Variants in RADIL observed in about 807,000 individuals in gnomAD.
RADIL encodes the protein ras-associating and dilute domain-containing protein.
RADIL carries 99 observed loss-of-function variants against 97.6 expected under a neutral mutation model. That is an observed-to-expected ratio of 1.01 (90% confidence interval 0.86 to 1.20). The LOEUF is 1.20. Ranked by LOEUF, RADIL falls within the 50% of genes most tolerant of loss-of-function variation. RADIL has a pLI of 0.00. For missense variants in RADIL, 1,765 were observed against 1,498.9 expected (o/e 1.18, Z -2.93); for synonymous variants, 803 against 691.8 (o/e 1.16, Z -2.52).
rs1458151653 is a variant in RADIL at position 4,798,190 on chromosome 7, C to T, written c.*1188G>A. On this transcript the variant is annotated 3_prime_UTR_variant, in exon 15 of 15. Transcript: ENST00000399583. Reference sequence around the variant, plus strand: ...ATTTTGGGAACCTGGCAGTGGTCGCCGTTTCGAGCCAGGCGCAATGCGGAG... The same window carrying T: ...ATTTTGGGAACCTGGCAGTGGTCGCTGTTTCGAGCCAGGCGCAATGCGGAG... 2.0e-5 allele frequency: 3 copies of T among 151,364 alleles called. No individual in the cohort carries two copies. Among genetic ancestry groups the T allele is most frequent in the Non-Finnish European group, 2.9e-5 (2 of 67,910 alleles). 9.4% of individuals were successfully genotyped at this position (151,364 alleles called of 1,614,324 possible). A position where few individuals can be genotyped will look rare whatever the true frequency, so the allele number is the denominator to read the frequency against.
chr7:4,807,076 C>T (rs989758636), intron 9 of RADIL, among the ~76,000 whole-genome samples: 2 of 152,164 alleles, frequency 1.3e-5, no homozygotes, highest in Admixed American at 6.5e-5. Flanking sequence ...TCTGCTGGCT[C>T]TTTCTGGACT....
chr7:4,859,740 G>C (rs1783926774), intron 2 of RADIL: 2 of 614,030 alleles, frequency 3.3e-6, no homozygotes, highest in East Asian at 5.5e-5. Context: ...ATACCGGAAA[G>C]ATCTATACTG....
At position 4,832,020 on chromosome 7, in the gene RADIL, G is replaced by A. The variant is rs1783156898; in HGVS notation, c.1454+121C>T. 7.7e-6 allele frequency: 8 copies of A among 1,036,248 alleles called. No homozygotes were observed. The East Asian group carries it at 1.8e-4, about 24-fold the overall frequency. 64.2% of individuals were successfully genotyped at this position (1,036,248 alleles called of 1,614,324 possible). ...AAAAAGGCCGCTGCTTGGATGGAAGGACAAAGCCCAGAGCTGACCCCAAGG... is the reference window on the plus strand; with the variant it reads ...AAAAAGGCCGCTGCTTGGATGGAAGAACAAAGCCCAGAGCTGACCCCAAGG... On this transcript the variant is annotated intron_variant, in intron 5 of 14. Coordinates refer to ENST00000399583, the MANE Select transcript of RADIL (RefSeq NM_018059.5).
In RADIL at chr7:4,834,848, G is replaced by A. The variant is rs774460647; in HGVS notation, c.1175C>T (p.Ala392Val). Reference protein sequence around the residue: ...CGAALGARGAASPTQAALPRR... With the variant: ...CGAALGARGAVSPTQAALPRR... ...GGGCAGGGCGGCCTGAGTAGGGGAG[G>A]CGGCTCCCCGGGCCCCGAGCGCGGC... is the stretch of plus-strand genomic sequence containing the variant. Residue 392 changes from alanine (A) to valine (V), a missense_variant, in exon 4 of 15, where the codon GCC becomes GTC. Coordinates refer to ENST00000399583, the MANE Select transcript of RADIL (RefSeq NM_018059.5). The surrounding 1 kb of genome is among the most constrained non-coding windows in gnomAD (Gnocchi z 6.0). 1.5e-6 allele frequency: 2 copies of A among 1,317,948 alleles called. No individual in the cohort carries two copies. The highest frequency in any genetic ancestry group is 6.2e-5 in the East Asian group (2 of 32,104). The allele number at this position is 1,317,948 out of a possible 1,614,324, so 81.6% of individuals were successfully genotyped here.
At position 4,807,542 on chromosome 7, in the gene RADIL, CCTCT is replaced by C. The variant is rs748126019; in HGVS notation, c.2140-1830_2140-1827del. On this transcript the variant is annotated intron_variant, in intron 9 of 14. Transcript: ENST00000399583. Reference sequence around the variant, plus strand: ...CTCCGTCTCCCCTCCCTCCTCTCTCCCTCTGTCTCCCCTCCCTCCTCCCTCTCCT... The same window carrying C: ...CTCCGTCTCCCCTCCCTCCTCTCTCCGTCTCCCCTCCCTCCTCCCTCTCCT... Among the ~76,000 whole-genome samples the C allele has an allele frequency of 2.1e-3, 252 of 117,304 alleles. 2 individuals carry two copies. The highest frequency in any genetic ancestry group is 3.4e-3 in the Non-Finnish European group (187 of 54,688). 77.0% of individuals were successfully genotyped at this position (117,304 alleles called of 152,430 possible).
chr7:4,881,271 C>G (rs527422395), intron 1 of RADIL, among the ~76,000 whole-genome samples: 1 of 142,696 alleles, frequency 7.0e-6, no homozygotes, highest in African/African-American at 2.6e-5. Flanking sequence ...AAAAATTAGC[C>G]AGGCGTGGTG....
rs1480323124 is a variant in RADIL at position 4,832,150 on chromosome 7, T to C, written c.1445A>G (p.Gln482Arg). 6.2e-7 allele frequency: 1 copy of C among 1,610,792 alleles called. No individual in the cohort carries two copies. Among genetic ancestry groups the C allele is most frequent in the Non-Finnish European group, 8.5e-7 (1 of 1,177,982 alleles). ...ACCGGGTCATACTCACAGTTGCGCC[T>C]GCTTCTCTGCTAGTTCTTTGGTTTT... is the stretch of plus-strand genomic sequence containing the variant. ...WEKTKELAEK[Q>R]AQLQEPISLA... is the part of the protein sequence containing the mutation. The change falls in exon 5 of 15, where the codon CAG (glutamine) becomes CGG (arginine). Residue 482 changes from glutamine (Q) to arginine (R), a missense_variant. Gln to Arg is a conservative substitution (Grantham distance 43). Transcript: ENST00000399583.
At chr7:4,843,861 G>C (rs534643619) in intron 2 of RADIL, among the ~76,000 whole-genome samples, 1 of 134,570 alleles carries the variant, frequency 7.4e-6, no homozygotes, top group Non-Finnish European at 1.5e-5. Flanking sequence ...GCAGTGAGCC[G>C]AAATCACGCC....
chr7:4,831,110 G>A lies in RADIL; in HGVS notation c.1454+1031C>T, dbSNP rs759140249. Among the ~76,000 whole-genome samples, 145 of 150,624 alleles carry A rather than the reference G, an allele frequency of 9.6e-4. 1 individual carries two copies. The highest frequency in any genetic ancestry group is 1.8e-3 in the Non-Finnish European group (124 of 67,846). ...GAAGGCTGAGGCAGGAGAATCGCTCGAACCTGAGAGGTGGAGGTTGCCGTG... is the reference window on the plus strand; with the variant it reads ...GAAGGCTGAGGCAGGAGAATCGCTCAAACCTGAGAGGTGGAGGTTGCCGTG... On this transcript the variant is annotated intron_variant, in intron 5 of 14. Transcript: ENST00000399583.
At chr7:4,829,355 G>A (rs967501072) in intron 5 of RADIL, among the ~76,000 whole-genome samples, 19 of 151,590 alleles carry the variant, frequency 1.3e-4, no homozygotes, top group Admixed American at 5.9e-4. Context: ...TCTGGGGAGC[G>A]GGTGTTTGCC....
chr7:4,861,163 T>G, intron 2 of RADIL: 1 of 1,614,270 alleles, frequency 6.2e-7, no homozygotes, highest in South Asian at 1.1e-5. Flanking sequence ...TGTCAATGTT[T>G]GGCACTAGAT....
At position 4,837,300 on chromosome 7, in the gene RADIL, G is replaced by A. The variant is rs1035490889; in HGVS notation, c.536-695C>T. ...CCACGGCAGCCTGGGCCTCTGCAGGGTCACCACGCCGCCTCCAGAGCCCTG... is the reference window on the plus strand; with the variant it reads ...CCACGGCAGCCTGGGCCTCTGCAGGATCACCACGCCGCCTCCAGAGCCCTG... On this transcript the variant is annotated intron_variant, in intron 2 of 14. Transcript: ENST00000399583. The surrounding 1 kb of genome is among the most constrained non-coding windows in gnomAD (Gnocchi z 5.6). Among the ~76,000 whole-genome samples, 17 of 152,174 alleles carry A rather than the reference G, an allele frequency of 1.1e-4. No individual in the cohort carries two copies. The highest frequency in any genetic ancestry group is 4.1e-4 in the African/African-American group (17 of 41,456).
intron 5 of RADIL, among the ~76,000 whole-genome samples, chr7:4,831,873 CAAACAAAACA>C (rs3031281): frequency 6.6e-6 from 1 of 151,600 alleles, no homozygotes; most frequent in Non-Finnish European, 1.5e-5. Context: ...GGCGATAGAG[CAAACAAAACA>C]AAACAAAACA....
chr7:4,803,918 C>T (rs1352058837), intron 10 of RADIL, 164 bp from the exon 11 acceptor site: 3 of 716,140 alleles, frequency 4.2e-6, no homozygotes, highest in Non-Finnish European at 5.0e-6. Flanking sequence ...TGACTGGCCC[C>T]ACCCTAGGAC....
intron 5 of RADIL, among the ~76,000 whole-genome samples, chr7:4,827,517 C>T (rs554134868): frequency 1.3e-3 from 196 of 151,782 alleles, no homozygotes; most frequent in Middle Eastern, 3.4e-3. Flanking sequence ...AAAAATTAGC[C>T]GGGCGTGGTT....
chr7:4,859,583 G>A (rs778101326), intron 2 of RADIL: 25 of 306,304 alleles, frequency 8.2e-5, no homozygotes, highest in African/African-American at 1.1e-4. Flanking sequence ...ATCTAGTCCC[G>A]TACCCCTCAT....
rs572515228 is a variant in RADIL, at chr7:4,835,883, G to A, written c.783+475C>T. ...CTCGGGGCGACAGCCTGCCTGCTCT[G>A]ATGGAAGTGGTGAGAAACGGCTCTG... On this transcript the variant is annotated intron_variant, in intron 3 of 14. Transcript: ENST00000399583. This position sits in a 1 kb window ranked among gnomAD's most constrained non-coding sequence, Gnocchi z 5.8. Among the ~76,000 whole-genome samples, 1 of 152,372 alleles carries A rather than the reference G, an allele frequency of 6.6e-6. No individual in the cohort carries two copies. Among genetic ancestry groups the A allele is most frequent in the Admixed American group, 6.5e-5 (1 of 15,306 alleles).
rs368958917 is a variant in RADIL at position 4,842,404 on chromosome 7, G to C, written c.536-5799C>G. 8.5e-5 allele frequency among the ~76,000 whole-genome samples: 13 copies of C among 152,274 alleles called. 1 individual carries two copies. The highest frequency in any genetic ancestry group is 2.6e-4 in the African/African-American group (11 of 41,564). On this transcript the variant is annotated intron_variant, in intron 2 of 14. Transcript: ENST00000399583. This position sits in a 1 kb window ranked among gnomAD's most constrained non-coding sequence, Gnocchi z 4.5. The stretch of plus-strand genomic sequence containing the variant: ...AACTCACTCCTGGAGGAAGCGGCGA[G>C]GGAGACAGCATGCAGCCACAGCCAC...
chr7:4,859,888 A>G, intron 2 of RADIL: 1 of 1,565,664 alleles, frequency 6.4e-7, no homozygotes, highest in South Asian at 1.1e-5. Flanking sequence ...AATATCCTCT[A>G]GACTCCAACT....
Sources: gnomAD v4.1 joint callset for allele counts (sites outside exome capture counted in the v4.1 genomes callset) on GRCh38, gnomAD v4.1.1 for gene constraint, Gnocchi (gnomAD v3.1) non-coding constraint, MANE v1.5 for transcripts, NCBI Gene and HGNC (gene_info 2026-07-23, HGNC 2026-07-21) for gene names.